FAM184B: variants seen among roughly 807,000 people sequenced by gnomAD.
The protein encoded by FAM184B is family with sequence similarity 184 member B.
In FAM184B, 111 loss-of-function variants were observed where a neutral mutation model predicts 135.9. The observed-to-expected ratio is 0.82, with a 90% CI of 0.70 to 0.96. The LOEUF is 0.96. Ranked by LOEUF, FAM184B falls within the 40% of genes least tolerant of loss-of-function variation. FAM184B has a pLI of 0.00. For missense variants in FAM184B, 1,375 were observed against 1,323.9 expected (o/e 1.04, Z -0.60); for synonymous variants, 552 against 524.8 (o/e 1.05, Z -0.71).
At chr4:17,778,331 A>G (rs1718972286) in intron 1 of FAM184B, among the ~76,000 whole-genome samples, 1 of 152,204 alleles carries the variant, frequency 6.6e-6, no homozygotes, top group Non-Finnish European at 1.5e-5. Context: ...CTAGAATTTT[A>G]TATCCAAATA....
At chr4:17,751,826 C>T (rs1472855546) in intron 1 of FAM184B, among the ~76,000 whole-genome samples, 1 of 78,800 alleles carries the variant, frequency 1.3e-5, no homozygotes, top group African/African-American at 5.2e-5. Context: ...AAACAAGGCA[C>T]ACACACACAC....
intron 5 of FAM184B, among the ~76,000 whole-genome samples, chr4:17,701,756 C>T (rs552382428): frequency 5.9e-5 from 9 of 152,238 alleles, no homozygotes; most frequent in Middle Eastern, 3.4e-3. Context: ...ACTGACCAAC[C>T]GAACTTTCTG....
intron 10 of FAM184B, among the ~76,000 whole-genome samples, chr4:17,655,972 C>T (rs1343782225): frequency 6.6e-6 from 1 of 152,206 alleles, no homozygotes; most frequent in Admixed American, 6.5e-5. Context: ...CGAGCTCCCA[C>T]ACTTTGTAAA....
At chr4:17,712,191 G>C (rs10939759) in intron 1 of FAM184B, among the ~76,000 whole-genome samples, 108,234 of 152,056 alleles carry the variant, frequency 0.71, 39,571 homozygotes, top group Non-Finnish European at 0.8. Context: ...TTTTCAAGGT[G>C]CAGCAAGATG....
At chr4:17,733,359 A>G (rs1201975098) in intron 1 of FAM184B, among the ~76,000 whole-genome samples, 1 of 152,224 alleles carries the variant, frequency 6.6e-6, no homozygotes, top group African/African-American at 2.4e-5. Context: ...GGAGACAGAA[A>G]GGGTATTCAA....
At chr4:17,656,655 G>T (rs1226170665) in intron 10 of FAM184B, among the ~76,000 whole-genome samples, 4 of 152,154 alleles carry the variant, frequency 2.6e-5, no homozygotes, top group African/African-American at 9.7e-5. Context: ...GTTCATCTTG[G>T]CCTCCCAAAG....
At chr4:17,778,912 T>C (rs1216324325) in intron 1 of FAM184B, among the ~76,000 whole-genome samples, 1 of 151,950 alleles carries the variant, frequency 6.6e-6, no homozygotes, top group African/African-American at 2.4e-5. Flanking sequence ...AATAAAAAGA[T>C]GGGAAGGAAG....
intron 9 of FAM184B, among the ~76,000 whole-genome samples, chr4:17,659,479 C>T (rs1715861181): frequency 6.7e-6 from 1 of 149,714 alleles, no homozygotes; most frequent in South Asian, 2.1e-4. Context: ...TGCTCATTAG[C>T]ACAACAGGTT....
chr4:17,709,772 G>C (rs1163955735), intron 1 of FAM184B, 128 bp from the exon 2 acceptor site: 1 of 834,266 alleles, frequency 1.2e-6, no homozygotes, highest in African/African-American at 1.7e-5. Flanking sequence ...GAGGATTTGC[G>C]TGCAGGGGAT....
intron 1 of FAM184B, among the ~76,000 whole-genome samples, chr4:17,763,566 G>C (rs1009594469): frequency 1.3e-5 from 1 of 77,090 alleles, no homozygotes; most frequent in Non-Finnish European, 3.3e-5. Context: ...GACACACTTT[G>C]GCAGCGTGAA....
intron 8 of FAM184B, among the ~76,000 whole-genome samples, chr4:17,660,289 A>AC (rs1178446896): frequency 1.3e-5 from 2 of 152,166 alleles, no homozygotes; most frequent in African/African-American, 4.8e-5. Context: ...ATCGGGAACC[A>AC]CCTGATATCT....
At chr4:17,710,968 G>C (rs556112443) in intron 1 of FAM184B, among the ~76,000 whole-genome samples, 5 of 152,180 alleles carry the variant, frequency 3.3e-5, no homozygotes, top group Non-Finnish European at 7.3e-5. Flanking sequence ...TACAGAGGAG[G>C]GGGGTGAAGT....
At chr4:17,746,868 T>A (rs2108986205) in intron 1 of FAM184B, among the ~76,000 whole-genome samples, 1 of 151,314 alleles carries the variant, frequency 6.6e-6, no homozygotes, top group East Asian at 2.0e-4. Context: ...AGAAACCCCA[T>A]CTCTACTAAA....
intron 14 of FAM184B, among the ~76,000 whole-genome samples, chr4:17,636,913 A>G (rs183505580): frequency 6.6e-6 from 1 of 152,234 alleles, no homozygotes; most frequent in Admixed American, 6.5e-5. Flanking sequence ...TTCAAGAGCC[A>G]GGGATGCTGC....
At chr4:17,649,240 G>T (rs1318045582) in intron 11 of FAM184B, among the ~76,000 whole-genome samples, 1 of 152,082 alleles carries the variant, frequency 6.6e-6, no homozygotes, top group Non-Finnish European at 1.5e-5. Context: ...TTCCCTCAAA[G>T]GTTAACTATA....
At chr4:17,740,109 T>C (rs932030340) in intron 1 of FAM184B, among the ~76,000 whole-genome samples, 1 of 151,900 alleles carries the variant, frequency 6.6e-6, no homozygotes, top group African/African-American at 2.4e-5. Context: ...TCTAGCACTT[T>C]GGGAGGCTGA....
At chr4:17,737,956 A>G (rs1416438487) in intron 1 of FAM184B, among the ~76,000 whole-genome samples, 1 of 152,214 alleles carries the variant, frequency 6.6e-6, no homozygotes, top group Non-Finnish European at 1.5e-5. Flanking sequence ...CAACCATGAA[A>G]TGATACAAAA....
At chr4:17,636,189 T>C (rs1179819395) in intron 15 of FAM184B, among the ~76,000 whole-genome samples, 1 of 152,160 alleles carries the variant, frequency 6.6e-6, no homozygotes, top group African/African-American at 2.4e-5. Context: ...CACTGCAACC[T>C]CTGTCTCTCG....
intron 1 of FAM184B, among the ~76,000 whole-genome samples, chr4:17,762,678 GGAGT>G (rs1384068989): frequency 1.3e-5 from 2 of 152,244 alleles, no homozygotes; most frequent in East Asian, 3.9e-4. Context: ...TAGAGCGACA[GGAGT>G]GAGTGACTAT....
Sources: gnomAD v4.1 joint callset for allele counts (sites outside exome capture counted in the v4.1 genomes callset) on GRCh38, gnomAD v4.1.1 for gene constraint, MANE v1.5 for transcripts, NCBI Gene and HGNC (gene_info 2026-07-23, HGNC 2026-07-21) for gene names.